Variants in NCALD observed in about 807,000 individuals in gnomAD.
NCALD encodes neurocalcin-delta.
Under a neutral mutation model 18.6 loss-of-function variants are expected in NCALD, and 10 were observed. The ratio of observed to expected loss-of-function variants is 0.54; its 90% CI spans 0.33 to 0.91. The LOEUF is 0.91. Ranked by LOEUF, NCALD falls within the 40% of genes least tolerant of loss-of-function variation. The pLI is 0.03. For missense variants in NCALD, 184 were observed against 247.6 expected (o/e 0.74, Z 1.72); for synonymous variants, 88 against 87.4 (o/e 1.01, Z -0.04).
chr8:101,816,369 CCAAAAGAAAAGAAA>C (rs1294385994), intron 4 of NCALD, among the ~76,000 whole-genome samples: 1 of 151,984 alleles, frequency 6.6e-6, no homozygotes, highest in Non-Finnish European at 1.5e-5. Context: ...CCTCTCTGTA[CCAAAAGAAAAGAAA>C]CATTCTGTGG....
chr8:102,121,831 A>G (rs1359127337), intron 1 of NCALD, among the ~76,000 whole-genome samples: 2 of 152,106 alleles, frequency 1.3e-5, no homozygotes, highest in East Asian at 1.9e-4. Flanking sequence ...ATTCCTTAGT[A>G]TTTCCCAAGG....
rs1265485889 is a variant in NCALD, at chr8:101,908,640, A to T, written c.-107+7169T>A. Among the ~76,000 whole-genome samples, 4 of 152,338 alleles carry T rather than the reference A, an allele frequency of 2.6e-5. No homozygotes were observed. In the East Asian group the frequency reaches 5.8e-4, roughly 22 times the overall value. On this transcript the variant is annotated intron_variant, in intron 3 of 6. Coordinates refer to the NCALD transcript ENST00000311028. ...TACCCTTTCAATAATTCTACCAAAT[A>T]TTAAGCACTGAGCATGTACTCATAC...
At chr8:101,965,172 T>C (rs923090759) in intron 2 of NCALD, among the ~76,000 whole-genome samples, 2 of 152,184 alleles carry the variant, frequency 1.3e-5, no homozygotes, top group Non-Finnish European at 2.9e-5. Flanking sequence ...GGTGGGAGTA[T>C]AAATTAGTTC....
intron 4 of NCALD, among the ~76,000 whole-genome samples, chr8:101,809,175 A>G (rs1813216873): frequency 6.6e-6 from 1 of 152,200 alleles, no homozygotes; most frequent in Admixed American, 6.5e-5. Context: ...AGTAAACTTT[A>G]ATATTTGGTA....
chr8:101,898,370 C>T (rs1283555410), intron 3 of NCALD, among the ~76,000 whole-genome samples: 2 of 152,082 alleles, frequency 1.3e-5, no homozygotes, highest in South Asian at 2.1e-4. Context: ...CCCATTCCCT[C>T]ATTGGATTTT....
intron 2 of NCALD, among the ~76,000 whole-genome samples, chr8:101,997,590 CA>C (rs1821283819): frequency 6.6e-6 from 1 of 152,116 alleles, no homozygotes; most frequent in Admixed American, 6.5e-5. Context: ...TTTCTTTTCC[CA>C]AGAATGTAAT....
chr8:101,870,585 C>T (rs1377083994), intron 4 of NCALD, among the ~76,000 whole-genome samples: 1 of 152,190 alleles, frequency 6.6e-6, no homozygotes, highest in Non-Finnish European at 1.5e-5. Flanking sequence ...GTGGCCCACA[C>T]CCATGCAGTG....
chr8:102,025,597 G>T (rs1822426398), intron 1 of NCALD, among the ~76,000 whole-genome samples: 1 of 152,144 alleles, frequency 6.6e-6, no homozygotes, highest in African/African-American at 2.4e-5. Context: ...TGCCTCCCTT[G>T]CAACTCAGCT....
In NCALD at chr8:101,736,623, C is replaced by T. The variant is rs574201217; in HGVS notation, c.-19-16975G>A. Among the ~76,000 whole-genome samples, 10 of 152,240 alleles carry T rather than the reference C, an allele frequency of 6.6e-5. No individual in the cohort carries two copies. In the East Asian group the frequency reaches 7.7e-4, roughly 12 times the overall value. On this transcript the variant is annotated intron_variant, in intron 1 of 3. Coordinates refer to ENST00000220931, the MANE Select transcript of NCALD (RefSeq NM_032041.3). ...TCCAGGCCCAGCCAATAGGATACCC[C>T]GTGGTGAGTGGAAATGGTAGCTATG...
chr8:102,058,587 C>T (rs546778800), intron 1 of NCALD, among the ~76,000 whole-genome samples: 1 of 152,306 alleles, frequency 6.6e-6, no homozygotes, highest in East Asian at 1.9e-4. Flanking sequence ...CACACCGTTT[C>T]CATTTCTCAG....
At position 101,855,346 on chromosome 8, in the gene NCALD, C is replaced by A. The variant is rs1021246269; in HGVS notation, c.-20+31795G>T. Among the ~76,000 whole-genome samples the A allele has an allele frequency of 3.9e-5, 6 of 152,210 alleles. No individual in the cohort carries two copies. In the East Asian group the frequency reaches 1.2e-3, roughly 29 times the overall value. On this transcript the variant is annotated intron_variant, in intron 4 of 6. Transcript: ENST00000311028. ...GAGCACTAGATTGCTCATGTGAGATCCCTCAGTCTTACCTTCTCCTGGAAG... is the reference window on the plus strand; with the variant it reads ...GAGCACTAGATTGCTCATGTGAGATACCTCAGTCTTACCTTCTCCTGGAAG...
At chr8:101,701,269 T>C (rs556647439) in intron 2 of NCALD, among the ~76,000 whole-genome samples, 1 of 152,334 alleles carries the variant, frequency 6.6e-6, no homozygotes, top group African/African-American at 2.4e-5. Context: ...ACAAATCATG[T>C]CTTTTACTAG....
intron 1 of NCALD, among the ~76,000 whole-genome samples, chr8:102,050,841 TTTTAA>T (rs2132220829): frequency 6.8e-6 from 1 of 146,648 alleles, no homozygotes; most frequent in East Asian, 2.0e-4. Flanking sequence ...ATTTAATCAT[TTTTAA>T]TTTAATTAAT....
intron 2 of NCALD, among the ~76,000 whole-genome samples, chr8:101,712,413 A>G (rs1056053500): frequency 3.9e-5 from 6 of 152,144 alleles, no homozygotes; most frequent in Non-Finnish European, 7.4e-5. Context: ...TAACAATAAT[A>G]ATCTTAAATT....
At chr8:101,811,139 C>T (rs567877711) in intron 4 of NCALD, among the ~76,000 whole-genome samples, 8 of 152,212 alleles carry the variant, frequency 5.3e-5, no homozygotes, top group Admixed American at 1.3e-4. Flanking sequence ...ATCCCTGGAA[C>T]CTGTGAGTAT....
At chr8:101,742,915 C>A (rs762056270) in intron 1 of NCALD, among the ~76,000 whole-genome samples, 1 of 152,210 alleles carries the variant, frequency 6.6e-6, no homozygotes, top group Admixed American at 6.5e-5. Flanking sequence ...TGAGTTAGAA[C>A]ATGTGGTGTT....
At chr8:101,792,733 C>T (rs1435562252), upstream of NCALD, among the ~76,000 whole-genome samples, 4 of 152,160 alleles carry the variant, frequency 2.6e-5, no homozygotes, top group East Asian at 1.9e-4. Context: ...CCTGGACCCA[C>T]GTTCTCTGAG....
chr8:101,895,213 G>A (rs1324192475), intron 3 of NCALD, among the ~76,000 whole-genome samples: 16 of 148,926 alleles, frequency 1.1e-4, no homozygotes, highest in Non-Finnish European at 1.9e-4. Flanking sequence ...TTCGATATAC[G>A]CAAATCAATA....
At chr8:102,017,101 G>T (rs1236913480) in intron 2 of NCALD, among the ~76,000 whole-genome samples, 1 of 152,112 alleles carries the variant, frequency 6.6e-6, no homozygotes, top group Non-Finnish European at 1.5e-5. Context: ...TTAACAAAAA[G>T]ATCATGCAAG....
Sources: gnomAD v4.1 joint callset for allele counts (sites outside exome capture counted in the v4.1 genomes callset) on GRCh38, gnomAD v4.1.1 for gene constraint, MANE v1.5 for transcripts, NCBI Gene and HGNC (gene_info 2026-07-23, HGNC 2026-07-21) for gene names.